PSTK: variants seen among roughly 807,000 people sequenced by gnomAD.
The protein encoded by PSTK is phosphoseryl-tRNA kinase, also known as L-seryl-tRNA(Sec) kinase.
Under a neutral mutation model 38.6 loss-of-function variants are expected in PSTK, and 26 were observed. The observed-to-expected ratio is 0.67, with a 90% CI of 0.49 to 0.94. The LOEUF (loss-of-function observed/expected upper bound fraction) is 0.94, where lower values mean the gene tolerates loss of function less well. Among genes scored for constraint, PSTK ranks in the 40% least tolerant of loss-of-function variants. The probability of loss-of-function intolerance (pLI) is 0.00; values close to 1 mark genes in which losing one functional copy is unlikely to be tolerated. For missense variants in PSTK, 445 were observed against 436.3 expected, an observed-to-expected ratio of 1.02 and a Z score of -0.18; for synonymous variants, 181 against 161.7, an observed-to-expected ratio of 1.12 and a Z score of -0.91.
In PSTK at chr10:122,987,511, A is replaced by AG. The variant is rs148686268; in HGVS notation, c.877+555dup. ...CCATTGAGCACGGGGTGAGGTAAGA[A>AG]GGGGGGAAAGGTAGTCAGGGGCCAG... On this transcript the variant is annotated intron_variant, in intron 5 of 5. Transcript: ENST00000406217. 8.6e-4 allele frequency: 1,386 copies of AG among 1,612,860 alleles called. 9 individuals are homozygous for AG. In the African/African-American group the frequency reaches 0.013, roughly 15 times the overall value.
rs910935409 is a variant in PSTK at position 122,980,727 on chromosome 10, G to A, written c.216+32G>A. 10 of 793,614 alleles carry A rather than the reference G, an allele frequency of 1.3e-5. No individual in the cohort carries two copies. Among genetic ancestry groups the A allele is most frequent in the Non-Finnish European group, 1.3e-5 (8 of 613,400 alleles). 49.2% of individuals were successfully genotyped at this position (793,614 alleles called of 1,614,324 possible). On this transcript the variant is annotated intron_variant, in intron 1 of 5. Transcript: ENST00000406217. The surrounding 1 kb of genome is among the most constrained non-coding windows in gnomAD (Gnocchi z 4.3). Reference sequence around the variant, plus strand: ...ACGGAGGGGCGGGGCCTGGGCCGCGGGGCGGGGCGGGGCGGGGCGGGGCGG... The same window carrying A: ...ACGGAGGGGCGGGGCCTGGGCCGCGAGGCGGGGCGGGGCGGGGCGGGGCGG...
rs1202797042 is a variant in PSTK at position 122,983,310 on chromosome 10, C to T, written c.547C>T (p.Leu183Phe). The T allele has an allele frequency of 3.1e-6, 5 of 1,614,058 alleles. No homozygotes were observed. Reference sequence around the variant, plus strand: ...TTGCCAGCTCTTTTTAGATTGTCCTCTTGAGACCTGTTTACAGAGGAATGG... The same window carrying T: ...TTGCCAGCTCTTTTTAGATTGTCCTTTTGAGACCTGTTTACAGAGGAATGG... ...GFCQLFLDCP[L>F]ETCLQRNGQR... The change falls in exon 3 of 6, where the codon CTT becomes TTT. Residue 183 changes from leucine (L) to phenylalanine (F), a missense_variant. Physicochemically the swap from Leu to Phe is conservative, Grantham distance 22 (BLOSUM62 0). Transcript: ENST00000406217.
chr10:122,984,139 C>T lies in PSTK; in HGVS notation c.707+669C>T, dbSNP rs376130351. 6.3e-3 allele frequency: 959 copies of T among 152,462 alleles called. 10 individuals carry two copies. Among genetic ancestry groups the T allele is most frequent in the African/African-American group, 0.021 (876 of 41,534 alleles). 9.4% of individuals were successfully genotyped at this position (152,462 alleles called of 1,614,324 possible). The stretch of plus-strand genomic sequence containing the variant: ...TGGCTATTTATTGGACAGCGCAGTT[C>T]CAGAGGTATATTGCCCACACTTCCT... On this transcript the variant is annotated intron_variant, in intron 3 of 5. Coordinates refer to ENST00000406217, the MANE Select transcript of PSTK (RefSeq NM_001363531.2).
Position 122,981,032 on chromosome 10 carries a change from C to T in PSTK, c.216+337C>T, listed in dbSNP as rs193105436. Among the ~76,000 whole-genome samples, 197 of 152,304 alleles carry T rather than the reference C, an allele frequency of 1.3e-3. 1 individual carries two copies. Among genetic ancestry groups the T allele is most frequent in the African/African-American group, 4.5e-3 (189 of 41,570 alleles). ...AGTCAGCGTGCAAGGTGGAAAGCCC[C>T]TATAGTCAAATGCACTGTCGAAAAT... On this transcript the variant is annotated intron_variant, in intron 1 of 5. Coordinates refer to ENST00000406217, the MANE Select transcript of PSTK (RefSeq NM_001363531.2).
rs959772909 is a variant in PSTK, at chr10:122,990,323, C to A, written c.1027C>A (p.His343Asn). 2 of 1,514,836 alleles carry A rather than the reference C, an allele frequency of 1.3e-6. No individual in the cohort carries two copies. Among genetic ancestry groups the A allele is most frequent in the Admixed American group, 2.4e-5 (1 of 41,842 alleles). The allele number at this position is 1,514,836 out of a possible 1,614,324, so 93.8% of individuals were successfully genotyped here. A position where few individuals can be genotyped will look rare whatever the true frequency, so the allele number is the denominator to read the frequency against. ...CATACCAGATGTCATTTCTTTTTTTCATTATGAGAAAGATAATATTGTACA... is the reference window on the plus strand; with the variant it reads ...CATACCAGATGTCATTTCTTTTTTTAATTATGAGAAAGATAATATTGTACA... Reference protein sequence around the residue: ...IDIPDVISFFHYEKDNIVQKY... With the variant: ...IDIPDVISFFNYEKDNIVQKY... Residue 343 changes from histidine (H) to asparagine (N), a missense_variant, in exon 6 of 6, where the codon CAT becomes AAT. His to Asn is a moderately conservative substitution (Grantham distance 68). Coordinates refer to ENST00000406217, the MANE Select transcript of PSTK (RefSeq NM_001363531.2).
At position 122,986,309 on chromosome 10, in the gene PSTK, G is replaced by A. The variant is rs773067577; in HGVS notation, c.717G>A (p.Val239=). The change falls in exon 4 of 6, where the codon GTG becomes GTA. Residue 239 remains valine (V), a synonymous_variant. Transcript: ENST00000406217. The part of the protein sequence containing the change: ...PACASEASLE[V]TDLLLTALEN... The stretch of plus-strand genomic sequence containing the variant: ...CCCATTTTCTCTGTAGCCTGGAAGT[G>A]ACTGATTTATTGCTCACTGCTTTGG... 3.7e-6 allele frequency: 6 copies of A among 1,605,170 alleles called. No individual in the cohort carries two copies. Among genetic ancestry groups the A allele is most frequent in the Admixed American group, 3.4e-5 (2 of 59,152 alleles).
chr10:122,986,574 G>C, intron 4 of PSTK, 199 bp downstream of exon 4: 1 of 607,512 alleles, frequency 1.6e-6, no homozygotes, highest in Non-Finnish European at 2.9e-6. Flanking sequence ...GGAGCCTGTT[G>C]ATGGTTTGTT....
rs11248356 is a variant in PSTK at position 122,989,993 on chromosome 10, G to A, written c.878-181G>A. Among the ~76,000 whole-genome samples, 1,085 of 152,246 alleles carry A rather than the reference G, an allele frequency of 7.1e-3. 14 individuals carry two copies. The highest frequency in any genetic ancestry group is 0.024 in the Middle Eastern group (7 of 294). On this transcript the variant is annotated intron_variant, in intron 5 of 5. Coordinates refer to ENST00000406217, the MANE Select transcript of PSTK (RefSeq NM_001363531.2). ...TAACAAGTTATTTAAATTCTTTGAC[G>A]TGTTTCAGATGATTTTTGAGTATCA...
rs1589706724 is a variant in PSTK at position 122,983,308 on chromosome 10, C to T, written c.545C>T (p.Pro182Leu). The change falls in exon 3 of 6, where the codon CCT becomes CTT. Residue 182 changes from proline (P) to leucine (L), a missense_variant. Pro to Leu is a moderately conservative substitution (Grantham distance 98, BLOSUM62 -3). Coordinates refer to ENST00000406217, the MANE Select transcript of PSTK (RefSeq NM_001363531.2). ...TTTTGCCAGCTCTTTTTAGATTGTC[C>T]TCTTGAGACCTGTTTACAGAGGAAT... is the stretch of plus-strand genomic sequence containing the variant. Reference protein sequence around the residue: ...LGFCQLFLDCPLETCLQRNGQ... With the variant: ...LGFCQLFLDCLLETCLQRNGQ... The T allele has an allele frequency of 1.2e-6, 2 of 1,613,756 alleles. No individual in the cohort carries two copies. The highest frequency in any genetic ancestry group is 1.7e-5 in the Admixed American group (1 of 59,922).
chr10:122,984,121 T>G (rs1040332564), intron 3 of PSTK: 1 of 152,748 alleles, frequency 6.5e-6, no homozygotes, highest in Non-Finnish European at 1.5e-5. Flanking sequence ...CAGTGGCTAT[T>G]TATTGGACAG....
Position 122,980,683 on chromosome 10 carries a change from A to T in PSTK, c.204A>T (p.Arg68Ser), listed in dbSNP as rs1478059786. 7.0e-7 allele frequency: 1 copy of T among 1,436,850 alleles called. No homozygotes were observed. Among genetic ancestry groups the T allele is most frequent in the Admixed American group, 2.0e-5 (1 of 50,848 alleles). The allele number at this position is 1,436,850 out of a possible 1,614,324, so 89.0% of individuals were successfully genotyped here. Residue 68 changes from arginine (R) to serine (S), a missense_variant, in exon 1 of 6, where the codon AGA becomes AGT. Coordinates refer to ENST00000406217, the MANE Select transcript of PSTK (RefSeq NM_001363531.2). The surrounding 1 kb of genome is among the most constrained non-coding windows in gnomAD (Gnocchi z 4.3). ...CCGACGCGTTTCTCGCCGGGGCAAG[A>T]GCGCGACCGGCGGTCAGCACGGAGG... ...VMPDAFLAGA[R>S]ARPAPSQWKL...
At chr10:122,987,347 CT>C (rs1254990953) in intron 5 of PSTK, 2 of 1,613,808 alleles carry the variant, frequency 1.2e-6, no homozygotes, top group Non-Finnish European at 1.7e-6. Flanking sequence ...ATCAGGAAGC[CT>C]TCTCAGAGAT....
Position 122,980,723 on chromosome 10 carries a change from C to CGCGGGGCGGGGCGGGGCCTGGGCCGCGGG in PSTK, c.216+45_216+46insCTGGGCCGCGGGGCGGGGCGGGGCGGGGC. Reference sequence around the variant, plus strand: ...CAGCACGGAGGGGCGGGGCCTGGGCCGCGGGGCGGGGCGGGGCGGGGCGGG... The same window carrying CGCGGGGCGGGGCGGGGCCTGGGCCGCGGG: ...CAGCACGGAGGGGCGGGGCCTGGGCCGCGGGGCGGGGCGGGGCCTGGGCCGCGGGGCGGGGCGGGGCGGGGCGGGGCGGG... On this transcript the variant is annotated intron_variant, in intron 1 of 5. Transcript: ENST00000406217. The surrounding 1 kb of genome is among the most constrained non-coding windows in gnomAD (Gnocchi z 4.3). 4 of 661,036 alleles carry CGCGGGGCGGGGCGGGGCCTGGGCCGCGGG rather than the reference C, an allele frequency of 6.1e-6. No individual in the cohort carries two copies. Among genetic ancestry groups the CGCGGGGCGGGGCGGGGCCTGGGCCGCGGG allele is most frequent in the Non-Finnish European group, 7.5e-6 (4 of 533,294 alleles). The allele number at this position is 661,036 out of a possible 1,614,324, so 40.9% of individuals were successfully genotyped here. A position where few individuals can be genotyped will look rare whatever the true frequency, so the allele number is the denominator to read the frequency against.
Position 122,990,290 on chromosome 10 carries a change from A to C in PSTK, c.994A>C (p.Thr332Pro). 6.5e-7 allele frequency: 1 copy of C among 1,537,536 alleles called. No individual in the cohort carries two copies. The highest frequency in any genetic ancestry group is 8.8e-7 in the Non-Finnish European group (1 of 1,142,212). Reference protein sequence around the residue: ...GNKKYLCFQQTIDIPDVISFF... With the variant: ...GNKKYLCFQQPIDIPDVISFF... Reference sequence around the variant, plus strand: ...CAAAAAATATCTGTGCTTTCAGCAAACCATTGACATACCAGATGTCATTTC... The same window carrying C: ...CAAAAAATATCTGTGCTTTCAGCAACCCATTGACATACCAGATGTCATTTC... Residue 332 changes from threonine to proline, a missense_variant, in exon 6 of 6, where the codon ACC becomes CCC. Transcript: ENST00000406217.
rs758216471 is a variant in PSTK, at chr10:122,982,935, C to T, written c.419C>T (p.Thr140Ile). 3 of 1,614,136 alleles carry T rather than the reference C, an allele frequency of 1.9e-6. No homozygotes were observed. The East Asian group carries it at 6.7e-5, about 36-fold the overall frequency. The change falls in exon 2 of 6, where the codon ACT (threonine) becomes ATT (isoleucine). Residue 140 changes from threonine to isoleucine, a missense_variant. Coordinates refer to ENST00000406217, the MANE Select transcript of PSTK (RefSeq NM_001363531.2). ...EAQSCYLLTKTAVSRPLFLVL... is the reference protein window; with the variant it reads ...EAQSCYLLTKIAVSRPLFLVL... Reference sequence around the variant, plus strand: ...CAGTCTTGCTACCTCTTAACAAAAACTGCTGTTTCTAGACCTTTGTTTTTG... The same window carrying T: ...CAGTCTTGCTACCTCTTAACAAAAATTGCTGTTTCTAGACCTTTGTTTTTG...
intron 3 of PSTK, chr10:122,985,326 C>T (rs1849019493): frequency 6.6e-6 from 1 of 152,216 alleles, no homozygotes; most frequent in South Asian, 2.1e-4. Flanking sequence ...AGTTGGGCTA[C>T]CCTGTCACTC....
intron 3 of PSTK, 118 bp from the exon 4 acceptor site, chr10:122,986,182 C>A: frequency 1.8e-6 from 1 of 552,184 alleles, no homozygotes; most frequent in Non-Finnish European, 3.1e-6. Context: ...GATCACGCCG[C>A]TGCACTCCAG....
chr10:122,982,849 G>T lies in PSTK; in HGVS notation c.333G>T (p.Trp111Cys). Residue 111 changes from tryptophan to cysteine, a missense_variant, in exon 2 of 6, where the codon TGG (tryptophan) becomes TGT (cysteine). By Grantham distance (215) the Trp-to-Cys change is radical. Coordinates refer to ENST00000406217, the MANE Select transcript of PSTK (RefSeq NM_001363531.2). ...SVPPNRTEAMWEDFITCLKDQ... is the reference protein window; with the variant it reads ...SVPPNRTEAMCEDFITCLKDQ... ...CACCCAACAGGACTGAAGCCATGTGGGAAGATTTTATAACCTGCTTAAAGG... is the reference window on the plus strand; with the variant it reads ...CACCCAACAGGACTGAAGCCATGTGTGAAGATTTTATAACCTGCTTAAAGG... 1 of 1,614,150 alleles carries T rather than the reference G, an allele frequency of 6.2e-7. No individual in the cohort carries two copies. The highest frequency in any genetic ancestry group is 8.5e-7 in the Non-Finnish European group (1 of 1,180,016).
chr10:122,980,927 A>G lies in PSTK; in HGVS notation c.216+232A>G, dbSNP rs1202262004. 5 of 491,602 alleles carry G rather than the reference A, an allele frequency of 1.0e-5. No homozygotes were observed. Among genetic ancestry groups the G allele is most frequent in the Non-Finnish European group, 1.1e-5 (4 of 379,202 alleles). The allele number at this position is 491,602 out of a possible 1,614,324, so 30.5% of individuals were successfully genotyped here. On this transcript the variant is annotated intron_variant, in intron 1 of 5. Transcript: ENST00000406217. This position sits in a 1 kb window ranked among gnomAD's most constrained non-coding sequence, Gnocchi z 4.3. Reference sequence around the variant, plus strand: ...GCCAACTGTTAGAACGATGCATTTTAGATGCTTATCTGTATATTTGATGCA... The same window carrying G: ...GCCAACTGTTAGAACGATGCATTTTGGATGCTTATCTGTATATTTGATGCA...
Sources: gnomAD v4.1 joint callset for allele counts (sites outside exome capture counted in the v4.1 genomes callset) on GRCh38, gnomAD v4.1.1 for gene constraint, Gnocchi (gnomAD v3.1) non-coding constraint, MANE v1.5 for transcripts, NCBI Gene and HGNC (gene_info 2026-07-23, HGNC 2026-07-21) for gene names.